The following LAMA2 variants were observed in gnomAD, a reference collection of about 807,000 sequenced individuals.
LAMA2 encodes the protein laminin subunit alpha-2.
Under a neutral mutation model 364.8 loss-of-function variants are expected in LAMA2, and 269 were observed. The observed-to-expected ratio is 0.74, with a 90% CI of 0.67 to 0.82. LAMA2 has a LOEUF of 0.82. Ranked by LOEUF, LAMA2 falls within the 40% of genes least tolerant of loss-of-function variation. The pLI, the probability that LAMA2 is intolerant of heterozygous loss-of-function variation, is 0.00. For missense variants in LAMA2, 3,807 were observed against 3,873.2 expected (o/e 0.98, Z 0.45); for synonymous variants, 1,379 against 1,370.6 (o/e 1.01, Z -0.14).
At chr6:129,242,357 TTTC>T (rs1302940236) in intron 12 of LAMA2, among the ~76,000 whole-genome samples, 1 of 152,138 alleles carries the variant, frequency 6.6e-6, no homozygotes, top group Non-Finnish European at 1.5e-5. Context: ...GATTATACAT[TTTC>T]TTTTTATTCA....
chr6:129,144,095 A>T lies in LAMA2; in HGVS notation c.819+15A>T. On this transcript the variant is annotated intron_variant, in intron 5 of 64. Coordinates refer to ENST00000421865, the MANE Select transcript of LAMA2 (RefSeq NM_000426.4). ...TCACCAGAAGAGTAAGTTATGATGA[A>T]TCATATTAGAGCCTACAAATGATAT... The T allele has an allele frequency of 6.3e-7, 1 of 1,591,774 alleles. No homozygotes were observed. The highest frequency in any genetic ancestry group is 8.6e-7 in the Non-Finnish European group (1 of 1,160,332).
chr6:129,452,950 A>T, intron 45 of LAMA2, 38 bp from the exon 46 acceptor site: 1 of 1,597,934 alleles, frequency 6.3e-7, no homozygotes, highest in Non-Finnish European at 8.6e-7. Flanking sequence ...TTTCTGAGAG[A>T]TTTACTCTTG....
At chr6:129,481,602 T>C (rs1420986035) in intron 55 of LAMA2, among the ~76,000 whole-genome samples, 163 bp downstream of exon 55, 1 of 152,198 alleles carries the variant, frequency 6.6e-6, no homozygotes, top group Non-Finnish European at 1.5e-5. Context: ...TTCACTCACA[T>C]CATCTCCCCA....
chr6:129,394,366 A>G (rs1779490467), intron 37 of LAMA2, among the ~76,000 whole-genome samples: 1 of 152,236 alleles, frequency 6.6e-6, no homozygotes, highest in Non-Finnish European at 1.5e-5. Context: ...ATCAACCAGG[A>G]TTTTTTAAAT....
At chr6:129,189,177 A>G (rs939339368) in intron 10 of LAMA2, among the ~76,000 whole-genome samples, 1 of 152,086 alleles carries the variant, frequency 6.6e-6, no homozygotes, top group African/African-American at 2.4e-5. Context: ...TGGTTGTGAT[A>G]GGGTAATGTA....
chr6:129,158,752 T>C (rs1779279159), intron 8 of LAMA2: 1 of 1,614,182 alleles, frequency 6.2e-7, no homozygotes, highest in Non-Finnish European at 8.5e-7. Flanking sequence ...TCCGACAACA[T>C]TCTATTGTCC....
At chr6:129,470,321 C>T (rs577947757) in intron 51 of LAMA2, among the ~76,000 whole-genome samples, 10 of 151,792 alleles carry the variant, frequency 6.6e-5, no homozygotes, top group South Asian at 2.1e-4. Flanking sequence ...GCTTAAAGTA[C>T]GCAAGGAAAA....
At chr6:129,486,081 C>T (rs1434589344) in intron 55 of LAMA2, among the ~76,000 whole-genome samples, 1 of 152,196 alleles carries the variant, frequency 6.6e-6, no homozygotes, top group Non-Finnish European at 1.5e-5. Context: ...ACTCAGAATG[C>T]CACAAGGTTG....
chr6:129,340,000 A>C (rs1393933130), intron 29 of LAMA2, among the ~76,000 whole-genome samples: 2 of 99,152 alleles, frequency 2.0e-5, no homozygotes, highest in Non-Finnish European at 5.4e-5. Flanking sequence ...AGACTGTCTC[A>C]AAAAAAAAAA....
intron 2 of LAMA2, among the ~76,000 whole-genome samples, chr6:129,058,115 A>C (rs1454919350): frequency 6.6e-6 from 1 of 152,218 alleles, no homozygotes; most frequent in South Asian, 2.1e-4. Context: ...GGGAATAGAA[A>C]CAGGATCATC....
At chr6:129,423,483 A>C (rs1781179037) in intron 40 of LAMA2, among the ~76,000 whole-genome samples, 1 of 152,070 alleles carries the variant, frequency 6.6e-6, no homozygotes, top group African/African-American at 2.4e-5. Context: ...TGAGGCCAAG[A>C]GTTTGAGACT....
chr6:128,939,397 T>C (rs1184995357), intron 1 of LAMA2, among the ~76,000 whole-genome samples: 6 of 152,138 alleles, frequency 3.9e-5, no homozygotes. Flanking sequence ...ACATGTTGAA[T>C]GAAAGCATGA....
chr6:129,164,291 G>A (rs182998104), intron 8 of LAMA2, among the ~76,000 whole-genome samples: 7 of 152,266 alleles, frequency 4.6e-5, no homozygotes, highest in East Asian at 3.9e-4. Flanking sequence ...AAGATGGCCC[G>A]AGATTTCACC....
chr6:129,139,100 A>C (rs1445756899), intron 4 of LAMA2, among the ~76,000 whole-genome samples: 1 of 152,158 alleles, frequency 6.6e-6, no homozygotes. Flanking sequence ...GAGCAGTTTC[A>C]GTGGAATGGA....
intron 1 of LAMA2, among the ~76,000 whole-genome samples, chr6:128,926,094 A>G (rs1211335198): frequency 1.3e-5 from 2 of 152,162 alleles, no homozygotes; most frequent in South Asian, 2.1e-4. Flanking sequence ...TAACATTTCC[A>G]TATTTCTTTG....
At chr6:128,947,006 A>G (rs1160687593) in intron 1 of LAMA2, among the ~76,000 whole-genome samples, 2 of 152,194 alleles carry the variant, frequency 1.3e-5, no homozygotes, top group East Asian at 3.9e-4. Flanking sequence ...AGTGGTCTGC[A>G]CTTGTAGCTT....
At position 129,353,160 on chromosome 6, in the gene LAMA2, T is replaced by C; in HGVS notation, c.4524-4T>C. The C allele has an allele frequency of 1.9e-6, 3 of 1,610,822 alleles. No homozygotes were observed. In the South Asian group the frequency reaches 3.3e-5, roughly 18 times the overall value. The stretch of plus-strand genomic sequence containing the variant: ...TCTTTTGCTTTGTCACTGTTTCAAT[T>C]CAGGTGTGCCCCTGGCTATACTGGC... On this transcript the variant is annotated splice_region_variant and splice_polypyrimidine_tract_variant and intron_variant, in intron 31 of 64. Coordinates refer to ENST00000421865, the MANE Select transcript of LAMA2 (RefSeq NM_000426.4).
At chr6:129,044,213 C>A (rs1165872932) in intron 1 of LAMA2, among the ~76,000 whole-genome samples, 1 of 151,834 alleles carries the variant, frequency 6.6e-6, no homozygotes, top group Non-Finnish European at 1.5e-5. Flanking sequence ...CATACACACA[C>A]CAAATATATA....
At chr6:128,996,966 G>T (rs1380578071) in intron 1 of LAMA2, among the ~76,000 whole-genome samples, 4 of 152,186 alleles carry the variant, frequency 2.6e-5, no homozygotes, top group Non-Finnish European at 5.9e-5. Flanking sequence ...ATGAGTTCAT[G>T]TCCTTTGCAG....
Sources: gnomAD v4.1 joint callset for allele counts (sites outside exome capture counted in the v4.1 genomes callset) on GRCh38, gnomAD v4.1.1 for gene constraint, MANE v1.5 for transcripts, NCBI Gene and HGNC (gene_info 2026-07-23, HGNC 2026-07-21) for gene names.